The following ERBB4 variants were observed in gnomAD, a reference collection of about 807,000 sequenced individuals.
ERBB4 encodes receptor tyrosine-protein kinase erbB-4.
In ERBB4, 42 loss-of-function variants were observed where a neutral mutation model predicts 158.0. That is an observed-to-expected ratio of 0.27 (90% confidence interval 0.21 to 0.34). The LOEUF (loss-of-function observed/expected upper bound fraction) is 0.34. ERBB4 is among the 10% of genes least tolerant of loss of function. ERBB4 has a pLI of 1.00. For missense variants in ERBB4, 1,333 were observed against 1,624.1 expected (o/e 0.82, Z 3.08); for synonymous variants, 583 against 558.7 (o/e 1.04, Z -0.61).
At chr2:211,482,674 G>A (rs942680214) in intron 20 of ERBB4, among the ~76,000 whole-genome samples, 1 of 152,202 alleles carries the variant, frequency 6.6e-6, no homozygotes, top group Non-Finnish European at 1.5e-5. Context: ...GGGAGGCCAA[G>A]ATAGGCGGAT....
intron 1 of ERBB4, among the ~76,000 whole-genome samples, chr2:212,442,458 G>T (rs1173815433): frequency 2.0e-5 from 3 of 152,122 alleles, no homozygotes; most frequent in African/African-American, 7.2e-5. Context: ...ACTGTGCACA[G>T]GGGAAAGGGA....
chr2:212,416,471 C>A lies in ERBB4; in HGVS notation c.82+121978G>T, dbSNP rs1046450763. Among the ~76,000 whole-genome samples the A allele has an allele frequency of 3.3e-5, 5 of 152,016 alleles. No homozygotes were observed. The East Asian group carries it at 5.8e-4, about 18-fold the overall frequency. ...TGTTTGTTCATTTTCAATATCTTTT[C>A]TTTTTATATTAAAAAAATAGAATAA... On this transcript the variant is annotated intron_variant, in intron 1 of 27. Coordinates refer to ENST00000342788, the MANE Select transcript of ERBB4 (RefSeq NM_005235.3).
intron 23 of ERBB4, 28 bp downstream of exon 23, chr2:211,424,127 T>C (rs756473715): frequency 4.4e-6 from 7 of 1,600,172 alleles, no homozygotes; most frequent in South Asian, 2.2e-5. Flanking sequence ...AGAATGATGA[T>C]GGTGATAACA....
At chr2:212,043,118 T>A (rs2077178870) in intron 2 of ERBB4, among the ~76,000 whole-genome samples, 1 of 152,200 alleles carries the variant, frequency 6.6e-6, no homozygotes, top group African/African-American at 2.4e-5. Flanking sequence ...AGTACCTTTA[T>A]GCTTTGAAAG....
intron 7 of ERBB4, among the ~76,000 whole-genome samples, chr2:211,716,479 A>G (rs1185316217): frequency 6.6e-6 from 1 of 151,004 alleles, no homozygotes; most frequent in Non-Finnish European, 1.5e-5. Context: ...GATCGAGACC[A>G]TCCCGGCTAA....
intron 4 of ERBB4, among the ~76,000 whole-genome samples, chr2:211,761,274 C>T (rs2075406095): frequency 6.7e-6 from 1 of 149,824 alleles, no homozygotes; most frequent in Non-Finnish European, 1.5e-5. Flanking sequence ...TTTAATTAAT[C>T]TTCACACTTC....
chr2:211,828,658 C>G (rs1156733854), intron 3 of ERBB4, among the ~76,000 whole-genome samples: 1 of 152,090 alleles, frequency 6.6e-6, no homozygotes, highest in Non-Finnish European at 1.5e-5. Flanking sequence ...GAAAGGTTCC[C>G]TAGATGAAAC....
At chr2:212,400,272 A>T (rs12105481) in intron 1 of ERBB4, among the ~76,000 whole-genome samples, 7 of 151,872 alleles carry the variant, frequency 4.6e-5, no homozygotes, top group African/African-American at 1.2e-4. Flanking sequence ...GGAAGGGAAC[A>T]GGCCAAGAGG....
intron 2 of ERBB4, among the ~76,000 whole-genome samples, chr2:212,010,050 A>C (rs1232652020): frequency 1.3e-5 from 2 of 152,156 alleles, no homozygotes; most frequent in East Asian, 3.9e-4. Context: ...CCAGCTTTGG[A>C]ATGCTCTTCA....
At chr2:211,504,346 C>G (rs539342046) in intron 20 of ERBB4, among the ~76,000 whole-genome samples, 1 of 151,948 alleles carries the variant, frequency 6.6e-6, no homozygotes, top group African/African-American at 2.4e-5. Flanking sequence ...CTATCTATAA[C>G]CAAATAATTC....
At chr2:212,344,607 C>A (rs1361489950) in intron 1 of ERBB4, among the ~76,000 whole-genome samples, 1 of 30,122 alleles carries the variant, frequency 3.3e-5, no homozygotes, top group African/African-American at 1.3e-4. Flanking sequence ...TTTCGTAATA[C>A]AAAGAAAAAT....
intron 2 of ERBB4, among the ~76,000 whole-genome samples, chr2:212,028,089 G>C (rs567137754): frequency 6.6e-6 from 1 of 152,200 alleles, no homozygotes; most frequent in African/African-American, 2.4e-5. Context: ...TCTGGAATTT[G>C]TGAATGCCAA....
chr2:211,703,313 C>G (rs1194024912), intron 11 of ERBB4, among the ~76,000 whole-genome samples: 1 of 152,120 alleles, frequency 6.6e-6, no homozygotes, highest in Admixed American at 6.5e-5. Context: ...TAGATTGTAT[C>G]TTTCAACTAT....
chr2:211,850,885 G>T (rs2077703290), intron 3 of ERBB4, among the ~76,000 whole-genome samples: 1 of 151,858 alleles, frequency 6.6e-6, no homozygotes, highest in African/African-American at 2.4e-5. Flanking sequence ...ATTATATTAA[G>T]ACACTGAAGA....
chr2:212,185,122 G>C (rs956154455), intron 1 of ERBB4, among the ~76,000 whole-genome samples: 1 of 151,396 alleles, frequency 6.6e-6, no homozygotes, highest in Non-Finnish European at 1.5e-5. Flanking sequence ...CCTGGTTAAA[G>C]TGGTTCTGAT....
intron 1 of ERBB4, among the ~76,000 whole-genome samples, chr2:212,192,081 TTA>T (rs1334734613): frequency 8.8e-5 from 12 of 136,748 alleles, no homozygotes; most frequent in Admixed American, 3.7e-4. Context: ...GTTATATATA[TTA>T]TATATATTAT....
intron 3 of ERBB4, among the ~76,000 whole-genome samples, chr2:211,909,604 T>G (rs2125051571): frequency 6.6e-6 from 1 of 151,892 alleles, no homozygotes; most frequent in African/African-American, 2.4e-5. Flanking sequence ...AAATATGGTA[T>G]AAAAGGTTAC....
intron 1 of ERBB4, among the ~76,000 whole-genome samples, chr2:212,433,254 T>G (rs2092069230): frequency 6.6e-6 from 1 of 152,092 alleles, no homozygotes; most frequent in Admixed American, 6.6e-5. Context: ...ATGGATTTTG[T>G]TATTTAAGTT....
rs1553576308 is a variant in ERBB4, at chr2:211,580,907, A to ATATACAC, written c.2302-18820_2302-18819insGTGTATA. ...TATATATATATATATATATATATATATATATATATGATGGAATACTACTTA... is the reference window on the plus strand; with the variant it reads ...TATATATATATATATATATATATATATATACACTATATATATGATGGAATACTACTTA... On this transcript the variant is annotated intron_variant, in intron 19 of 27. Coordinates refer to ENST00000342788, the MANE Select transcript of ERBB4 (RefSeq NM_005235.3). 6.1e-4 allele frequency among the ~76,000 whole-genome samples: 56 copies of ATATACAC among 91,800 alleles called. 11 individuals are homozygous for ATATACAC. The highest frequency in any genetic ancestry group is 1.5e-3 in the African/African-American group (36 of 24,398). The allele number at this position is 91,800 out of a possible 152,430, so 60.2% of individuals were successfully genotyped here. A position where few individuals can be genotyped will look rare whatever the true frequency, so the allele number is the denominator to read the frequency against.
Sources: gnomAD v4.1 joint callset for allele counts (sites outside exome capture counted in the v4.1 genomes callset) on GRCh38, gnomAD v4.1.1 for gene constraint, MANE v1.5 for transcripts, NCBI Gene and HGNC (gene_info 2026-07-23, HGNC 2026-07-21) for gene names.